RASEF: variants seen among roughly 807,000 people sequenced by gnomAD.
RASEF encodes the protein RAS and EF-hand domain containing, also known as ras and EF-hand domain-containing protein.
RASEF carries 68 observed loss-of-function variants against 90.1 expected under a neutral mutation model. The ratio of observed to expected loss-of-function variants is 0.75; its 90% CI spans 0.62 to 0.92. RASEF has a LOEUF of 0.92. Among genes scored for constraint, RASEF ranks in the 40% least tolerant of loss-of-function variants. The pLI, the probability that RASEF is intolerant of heterozygous loss-of-function variation, is 0.00. For synonymous variants in RASEF, 331 were observed against 345.2 expected, an observed-to-expected ratio of 0.96 and a Z score of 0.46; for missense variants, 949 against 937.2, an observed-to-expected ratio of 1.01 and a Z score of -0.16.
intron 1 of RASEF, among the ~76,000 whole-genome samples, chr9:83,059,027 C>A (rs1029093657): frequency 9.2e-5 from 14 of 152,118 alleles, no homozygotes; most frequent in African/African-American, 3.1e-4. Flanking sequence ...CCTTTGGATA[C>A]TTTTGGGATA....
the RASEF span, among the ~76,000 whole-genome samples, chr9:83,163,153 G>T: frequency 6.6e-6 from 1 of 152,134 alleles, no homozygotes; most frequent in Non-Finnish European, 1.5e-5. Context: ...TAAGGAGAAG[G>T]AAAAATACTT....
At chr9:83,198,704 C>T in the RASEF span, among the ~76,000 whole-genome samples, 1 of 152,086 alleles carries the variant, frequency 6.6e-6, no homozygotes, top group African/African-American at 2.4e-5. Context: ...TCGCTCTCAG[C>T]GACCACTCCA....
chr9:82,996,457 G>A (rs1828920298), intron 14 of RASEF, among the ~76,000 whole-genome samples: 1 of 152,134 alleles, frequency 6.6e-6, no homozygotes, highest in African/African-American at 2.4e-5. Flanking sequence ...TTTAACCACA[G>A]AAAGCACAGA....
intron 3 of RASEF, 48 bp from the exon 4 acceptor site, chr9:83,015,948 TA>T (rs745600268): frequency 7.1e-7 from 1 of 1,416,536 alleles, no homozygotes; most frequent in East Asian, 2.3e-5. Context: ...TTCACCCTCT[TA>T]ACCTTCAAAA....
At chr9:83,107,197 C>G in the RASEF span, among the ~76,000 whole-genome samples, 1 of 152,192 alleles carries the variant, frequency 6.6e-6, no homozygotes, top group African/African-American at 2.4e-5. Flanking sequence ...CCACCACATT[C>G]TTCTGTGCAA....
intron 14 of RASEF, among the ~76,000 whole-genome samples, chr9:82,993,411 C>T (rs955621936): frequency 6.6e-6 from 1 of 152,150 alleles, no homozygotes; most frequent in South Asian, 2.1e-4. Flanking sequence ...CAGAGCACTA[C>T]AAGCCAATAT....
At chr9:83,201,561 A>G in the RASEF span, among the ~76,000 whole-genome samples, 4 of 152,210 alleles carry the variant, frequency 2.6e-5, no homozygotes, top group Admixed American at 6.5e-5. Flanking sequence ...TGAAACATGT[A>G]TTATCACGTG....
At chr9:82,982,811 G>GAGAC (rs1161020796) in intron 16 of RASEF, 29 bp from the exon 17 acceptor site, 2 of 483,984 alleles carry the variant, frequency 4.1e-6, no homozygotes, top group African/African-American at 4.2e-5. Context: ...GAGACAGAGA[G>GAGAC]AGAGAGAGAG....
chr9:83,015,854 T>A lies in RASEF; in HGVS notation c.716A>T (p.Tyr239Phe). The change falls in exon 4 of 17, where the codon TAT becomes TTT. Residue 239 changes from tyrosine (Y) to phenylalanine (F), a missense_variant. By Grantham distance (22) the Tyr-to-Phe change is conservative. This residue lies in a region of RASEF where 656 missense variants were observed against 592.2 expected (regional missense o/e 1.11). Coordinates refer to ENST00000376447, the MANE Select transcript of RASEF (RefSeq NM_152573.4). ...EEALSDLRRQ[Y>F]ETEVGDLQVT... ...CTGCAGATCTCCTACTTCAGTTTCATACTGACGTCTGAGGTCACTGAGGGC... is the reference window on the plus strand; with the variant it reads ...CTGCAGATCTCCTACTTCAGTTTCAAACTGACGTCTGAGGTCACTGAGGGC... The A allele has an allele frequency of 3.7e-6, 6 of 1,614,086 alleles. No homozygotes were observed. Among genetic ancestry groups the A allele is most frequent in the Non-Finnish European group, 5.1e-6 (6 of 1,179,976 alleles).
upstream of RASEF, among the ~76,000 whole-genome samples, chr9:83,063,772 A>G (rs1031567349): frequency 6.6e-5 from 10 of 152,224 alleles, no homozygotes; most frequent in African/African-American, 2.4e-4. Context: ...TATGGAAATT[A>G]CATATCCAAA....
chr9:83,129,250 C>CA, the RASEF span, among the ~76,000 whole-genome samples: 2 of 151,676 alleles, frequency 1.3e-5, no homozygotes, highest in Non-Finnish European at 2.9e-5. Context: ...ACTAAAAATA[C>CA]AAAAAAATTA....
intron 1 of RASEF, among the ~76,000 whole-genome samples, chr9:83,056,291 T>C (rs1175607406): frequency 2.6e-5 from 4 of 152,190 alleles, no homozygotes; most frequent in African/African-American, 9.7e-5. Context: ...CATTAGAACT[T>C]CCCTCTGGGA....
chr9:83,058,593 G>C (rs966213914), intron 1 of RASEF, among the ~76,000 whole-genome samples: 1 of 152,114 alleles, frequency 6.6e-6, no homozygotes, highest in Admixed American at 6.5e-5. Context: ...ACAAAACAAG[G>C]CAATCATTCT....
the RASEF span, among the ~76,000 whole-genome samples, chr9:83,200,043 TG>T: frequency 6.6e-6 from 1 of 152,178 alleles, no homozygotes; most frequent in African/African-American, 2.4e-5. Context: ...AACGATGACA[TG>T]TGTGAATTTG....
chr9:83,185,012 G>C, the RASEF span, among the ~76,000 whole-genome samples: 1 of 152,210 alleles, frequency 6.6e-6, no homozygotes, highest in Non-Finnish European at 1.5e-5. Context: ...AAACTGTGGG[G>C]TGGGGCCAGA....
the RASEF span, chr9:83,202,130 AAAG>A: frequency 6.5e-6 from 1 of 152,796 alleles, no homozygotes; most frequent in African/African-American, 2.4e-5. Context: ...TCCAAAAAAA[AAAG>A]AAAAACCACC....
chr9:83,031,302 G>A (rs1316730007), intron 1 of RASEF, among the ~76,000 whole-genome samples: 3 of 152,158 alleles, frequency 2.0e-5, no homozygotes, highest in African/African-American at 7.2e-5. Flanking sequence ...GAGCGGGTAA[G>A]TCTTAACAAT....
chr9:83,068,659 T>G, the RASEF span, among the ~76,000 whole-genome samples: 1 of 152,254 alleles, frequency 6.6e-6, no homozygotes, highest in African/African-American at 2.4e-5. Context: ...TGTGAGATAC[T>G]GAGCTGAGAA....
chr9:83,179,946 G>A, the RASEF span, among the ~76,000 whole-genome samples: 10 of 152,042 alleles, frequency 6.6e-5, no homozygotes, highest in Admixed American at 3.9e-4. Flanking sequence ...AAACCAACAC[G>A]TAAGCTCTCC....
Sources: gnomAD v4.1 joint callset for allele counts (sites outside exome capture counted in the v4.1 genomes callset) on GRCh38, gnomAD v4.1.1 for gene constraint, gnomAD v4.1.1 regional missense constraint, MANE v1.5 for transcripts, NCBI Gene and HGNC (gene_info 2026-07-23, HGNC 2026-07-21) for gene names.